CFAP47: variants seen among roughly 807,000 people sequenced by gnomAD.
CFAP47 encodes cilia- and flagella-associated protein 47.
In CFAP47, 29 loss-of-function variants were observed where a neutral mutation model predicts 148.1. The ratio of observed to expected loss-of-function variants is 0.20; its 90% confidence interval spans 0.15 to 0.27. The LOEUF is 0.27. CFAP47 is among the 10% of genes least tolerant of loss of function. The pLI is 1.00. For missense variants in CFAP47, 1,872 were observed against 1,697.5 expected (o/e 1.10, Z -1.81); for synonymous variants, 664 against 577.3 (o/e 1.15, Z -2.15).
chrX:36,226,420 C>T (rs373955695), intron 45 of CFAP47, among the ~76,000 whole-genome samples: 3 of 110,976 alleles, frequency 2.7e-5, no homozygotes, highest in Non-Finnish European at 3.8e-5. Context: ...CTGATGGGGA[C>T]GCAAATACTG....
At position 36,353,590 on chromosome X, in the gene CFAP47, T is replaced by C. The variant is rs782592534; in HGVS notation, c.8760T>C (p.Ala2920=). ...AGAAGGTAGAAATCATACTGAATGC[T>C]GGTTTTTTCGGATTTAGTCTTACTC... The part of the protein sequence containing the change: ...AEEKVEIILN[A]GFFGFSLTPD... The change falls in exon 60 of 64, where the codon GCT becomes GCC. Residue 2920 remains alanine, a synonymous_variant. Transcript: ENST00000378653. 1.7e-6 allele frequency: 2 copies of C among 1,162,840 alleles called. No homozygotes were observed. Among genetic ancestry groups the C allele is most frequent in the South Asian group, 3.8e-5 (2 of 52,581 alleles).
Position 36,014,831 on chromosome X carries a change from C to T in CFAP47, c.3475C>T (p.Leu1159Phe). Residue 1159 changes from leucine to phenylalanine, a missense_variant, in exon 22 of 64, where the codon CTC (leucine) becomes TTC (phenylalanine). Physicochemically the swap from Leu to Phe is conservative, Grantham distance 22. Coordinates refer to ENST00000378653, the MANE Select transcript of CFAP47 (RefSeq NM_001304548.2). ...GATTAATTTCTTTGAGTCTTCAAAG[C>T]TCTACACTAAATATTTGTCCAGTTC... ...VQINFFESSK[L>F]YTKYLSSSPS... 3.4e-6 allele frequency: 1 copy of T among 294,379 alleles called. No homozygotes were observed. The highest frequency in any genetic ancestry group is 5.9e-6 in the Non-Finnish European group (1 of 168,451). The allele number at this position is 294,379 out of a possible 1,213,427, so 24.3% of individuals were successfully genotyped here. A position where few individuals can be genotyped will look rare whatever the true frequency, so the allele number is the denominator to read the frequency against.
Position 36,235,967 on chromosome X carries a change from G to A in CFAP47, c.7048G>A (p.Val2350Ile). 2.0e-6 allele frequency: 1 copy of A among 509,073 alleles called. No homozygotes were observed. Among genetic ancestry groups the A allele is most frequent in the Non-Finnish European group, 3.6e-6 (1 of 280,753 alleles). The allele number at this position is 509,073 out of a possible 1,213,427, so 42.0% of individuals were successfully genotyped here. A position where few individuals can be genotyped will look rare whatever the true frequency, so the allele number is the denominator to read the frequency against. ...AACAAACGATAAATGGACCTTTCAA[G>A]TTACTATAGAAGGAGAATGGTTTTA... ...NQTNDKWTFQVTIEGEWFYGP... is the reference protein window; with the variant it reads ...NQTNDKWTFQITIEGEWFYGP... Residue 2350 changes from valine (V) to isoleucine (I), a missense_variant, in exon 47 of 64, where the codon GTT (valine) becomes ATT (isoleucine). By Grantham distance (29) the Val-to-Ile change is conservative (BLOSUM62 3). Transcript: ENST00000378653.
chrX:36,151,038 G>A (rs1254933338), intron 37 of CFAP47, among the ~76,000 whole-genome samples: 1 of 111,850 alleles, frequency 8.9e-6, no homozygotes, highest in Non-Finnish European at 1.9e-5. Context: ...AAGTGAAAAG[G>A]ATGAAGTTTC....
chrX:35,923,474 T>C (rs1935610069), intron 1 of CFAP47, among the ~76,000 whole-genome samples: 1 of 111,762 alleles, frequency 8.9e-6, no homozygotes, highest in Admixed American at 9.6e-5. Flanking sequence ...ATTCTTCTTT[T>C]ATTTTTCCTC....
chrX:36,245,612 C>G (rs1308405805), intron 48 of CFAP47, among the ~76,000 whole-genome samples: 1 of 111,418 alleles, frequency 9.0e-6, no homozygotes, highest in Non-Finnish European at 1.9e-5. Flanking sequence ...TTAAAATATC[C>G]AGGAAGACAG....
At chrX:36,289,434 A>G (rs913375427) in intron 51 of CFAP47, among the ~76,000 whole-genome samples, 1 of 111,575 alleles carries the variant, frequency 9.0e-6, no homozygotes, top group Non-Finnish European at 1.9e-5. Context: ...CCTTTAATTT[A>G]TCCTAAGTTG....
chrX:35,992,086 C>T lies in CFAP47; in HGVS notation c.2967+143C>T, dbSNP rs769516316. The T allele has an allele frequency of 1.0e-4, 28 of 268,545 alleles. No homozygotes were observed. In the East Asian group the frequency reaches 1.4e-3, roughly 13 times the overall value. 22.1% of individuals were successfully genotyped at this position (268,545 alleles called of 1,213,427 possible). A position where few individuals can be genotyped will look rare whatever the true frequency, so the allele number is the denominator to read the frequency against. On this transcript the variant is annotated intron_variant, in intron 17 of 63. Coordinates refer to ENST00000378653, the MANE Select transcript of CFAP47 (RefSeq NM_001304548.2). ...CTGAGTATAGTTCATCTAGTTTGTC[C>T]TCTTAATTTCTTGTAAGAACAATTT...
intron 39 of CFAP47, among the ~76,000 whole-genome samples, chrX:36,176,420 C>A (rs946519032): frequency 8.9e-6 from 1 of 112,360 alleles, no homozygotes; most frequent in Non-Finnish European, 1.9e-5. Flanking sequence ...TTAGCTTAGG[C>A]TCTTGCTTCT....
At chrX:36,258,870 T>C (rs1940785480) in intron 49 of CFAP47, among the ~76,000 whole-genome samples, 1 of 111,647 alleles carries the variant, frequency 9.0e-6, no homozygotes, top group Non-Finnish European at 1.9e-5. Flanking sequence ...GCCCCTAACA[T>C]AGAACATGCA....
chrX:35,962,926 GGTGTGTGTGTGTGTGTGTGTGTGTGT>G (rs59734260), intron 8 of CFAP47, among the ~76,000 whole-genome samples: 1 of 90,792 alleles, frequency 1.1e-5, no homozygotes, highest in Non-Finnish European at 2.2e-5. Context: ...AATAAAATGT[GGTGTGTGTGTGTGTGTGTGTGTGTGT>G]GTGTGTGTGT....
intron 30 of CFAP47, among the ~76,000 whole-genome samples, chrX:36,094,396 C>T (rs1167780383): frequency 9.0e-6 from 1 of 110,875 alleles, no homozygotes; most frequent in African/African-American, 3.3e-5. Flanking sequence ...TTTTGTTTCT[C>T]TTTCTGTATG....
intron 55 of CFAP47, among the ~76,000 whole-genome samples, chrX:36,309,189 C>A (rs7059765): frequency 6.2e-3 from 681 of 110,392 alleles, no homozygotes; most frequent in African/African-American, 0.021. Flanking sequence ...TATTTCATTC[C>A]TATTTGATTG....
At chrX:36,046,740 AC>A in intron 25 of CFAP47, 113 bp from the exon 26 acceptor site, 1 of 470,792 alleles carries the variant, frequency 2.1e-6, no homozygotes, top group Non-Finnish European at 3.6e-6. Context: ...GCACATGATT[AC>A]AAATATTTCT....
At chrX:36,225,453 C>G (rs905511959) in intron 45 of CFAP47, among the ~76,000 whole-genome samples, 1 of 111,294 alleles carries the variant, frequency 9.0e-6, no homozygotes, top group Non-Finnish European at 1.9e-5. Flanking sequence ...CTTCTTTCAA[C>G]TCTTACATGC....
intron 2 of CFAP47, among the ~76,000 whole-genome samples, chrX:35,931,071 A>G (rs1309258666): frequency 9.0e-6 from 1 of 111,559 alleles, no homozygotes; most frequent in African/African-American, 3.3e-5. Flanking sequence ...AACGTTATAA[A>G]TGACCCTCAG....
At chrX:36,342,008 A>G (rs1941658016) in intron 57 of CFAP47, among the ~76,000 whole-genome samples, 1 of 111,143 alleles carries the variant, frequency 9.0e-6, no homozygotes, top group Admixed American at 9.6e-5. Flanking sequence ...AAAAAGAAAG[A>G]AAAAAGCTCA....
intron 36 of CFAP47, among the ~76,000 whole-genome samples, chrX:36,147,903 A>G (rs1013263850): frequency 4.5e-5 from 5 of 112,030 alleles, no homozygotes; most frequent in African/African-American, 6.5e-5. Context: ...TAATTTGACC[A>G]ATTATCCTTT....
At chrX:36,238,693 C>T in intron 48 of CFAP47, among the ~76,000 whole-genome samples, 1 of 111,758 alleles carries the variant, frequency 8.9e-6, no homozygotes, top group Non-Finnish European at 1.9e-5. Context: ...AAGTGATAAT[C>T]AAACCTTGAT....
Sources: gnomAD v4.1 joint callset for allele counts (sites outside exome capture counted in the v4.1 genomes callset) on GRCh38, gnomAD v4.1.1 for gene constraint, MANE v1.5 for transcripts, NCBI Gene and HGNC (gene_info 2026-07-23, HGNC 2026-07-21) for gene names.